The following AHRR variants were observed in gnomAD, a reference collection of about 807,000 sequenced individuals.
The protein encoded by AHRR is aryl hydrocarbon receptor repressor.
Under a neutral mutation model 44.0 loss-of-function variants are expected in AHRR, and 28 were observed. The observed-to-expected ratio is 0.64, with a 90% CI of 0.47 to 0.87. The LOEUF is 0.87. Ranked by LOEUF, AHRR falls within the 40% of genes least tolerant of loss-of-function variation. The pLI is 0.00. For missense variants in AHRR, 990 were observed against 953.9 expected (o/e 1.04, Z -0.50); for synonymous variants, 434 against 407.0 (o/e 1.07, Z -0.80).
chr5:415,994 A>G (rs1213656674), intron 5 of AHRR, among the ~76,000 whole-genome samples: 1 of 152,188 alleles, frequency 6.6e-6, no homozygotes, highest in African/African-American at 2.4e-5. Context: ...TGTGAACTGC[A>G]AGGACCACGT....
rs572207923 is a variant in AHRR at position 389,696 on chromosome 5, G to A, written c.351+12980G>A. Among the ~76,000 whole-genome samples, 8 of 152,020 alleles carry A rather than the reference G, an allele frequency of 5.3e-5. No individual in the cohort carries two copies. The South Asian group carries it at 1.3e-3, about 24-fold the overall frequency. On this transcript the variant is annotated intron_variant, in intron 4 of 10. Transcript: ENST00000684583. ...CCACAAGGCCTCTGGGGGGTCTGACGGCCCAGAGAAAGGACCAGGGCGCAG... is the reference window on the plus strand; with the variant it reads ...CCACAAGGCCTCTGGGGGGTCTGACAGCCCAGAGAAAGGACCAGGGCGCAG...
rs1468053505 is a variant in AHRR at position 395,305 on chromosome 5, G to A, written c.352-18039G>A. ...AGGGGGCCTGGGAGACACGAGCCCC[G>A]GTGGTGGGATGCAGTTAGCTGAACG... On this transcript the variant is annotated intron_variant, in intron 4 of 10. Coordinates refer to ENST00000684583, the MANE Select transcript of AHRR (RefSeq NM_001377236.1). The surrounding 1 kb of genome is among the most constrained non-coding windows in gnomAD (Gnocchi z 5.3). 2.6e-5 allele frequency among the ~76,000 whole-genome samples: 4 copies of A among 152,152 alleles called. No individual in the cohort carries two copies. The highest frequency in any genetic ancestry group is 2.0e-4 in the Admixed American group (3 of 15,278).
At chr5:431,656 C>CA (rs1260925516) in intron 8 of AHRR, among the ~76,000 whole-genome samples, 1 of 152,204 alleles carries the variant, frequency 6.6e-6, no homozygotes, top group Non-Finnish European at 1.5e-5. Flanking sequence ...AACAGCCCCC[C>CA]AGTCTTCCAC....
chr5:407,906 A>G (rs1216464290), intron 4 of AHRR, among the ~76,000 whole-genome samples: 1 of 152,168 alleles, frequency 6.6e-6, no homozygotes, highest in African/African-American at 2.4e-5. Context: ...CTGCAAAGAG[A>G]GAGTTTCACT....
At chr5:390,952 A>G (rs1239832791) in intron 4 of AHRR, among the ~76,000 whole-genome samples, 1 of 152,146 alleles carries the variant, frequency 6.6e-6, no homozygotes, top group African/African-American at 2.4e-5. Context: ...GGGCTTCTCC[A>G]CCAGAACCAG....
chr5:421,477 C>T (rs1016561238), intron 5 of AHRR: 12 of 489,994 alleles, frequency 2.4e-5, no homozygotes, highest in South Asian at 6.0e-5. Flanking sequence ...GGTGGGGTCC[C>T]GCGGGGTGTT....
In AHRR at chr5:434,011, C is replaced by T; in HGVS notation, c.1271C>T (p.Pro424Leu). 6.3e-7 allele frequency: 1 copy of T among 1,582,756 alleles called. No homozygotes were observed. Among genetic ancestry groups the T allele is most frequent in the Non-Finnish European group, 8.6e-7 (1 of 1,166,200 alleles). ...CTGCAGCCCAGCAAGAATGACCCGC[C>T]CTCCCTGCGCCCCATGCCCCGCGGC... is the stretch of plus-strand genomic sequence containing the variant. ...PRLQPSKNDP[P>L]SLRPMPRGSC... Residue 424 changes from proline to leucine, a missense_variant, in exon 11 of 11, where the codon CCC (proline) becomes CTC (leucine). Physicochemically the swap from Pro to Leu is moderately conservative, Grantham distance 98. Transcript: ENST00000684583.
chr5:345,533 TCTGG>T (rs1742635185), intron 2 of AHRR, among the ~76,000 whole-genome samples: 1 of 124,882 alleles, frequency 8.0e-6, no homozygotes. Context: ...AGATGATGTC[TCTGG>T]CTGTGTGTGG....
At position 404,129 on chromosome 5, in the gene AHRR, C is replaced by T. The variant is rs1735153525; in HGVS notation, c.352-9215C>T. ...GGTCCAGGTTTGGGGTTACCCTTCT[C>T]CGTCTCTCTCAGCCTCAGCCGTTCC... On this transcript the variant is annotated intron_variant, in intron 4 of 10. Coordinates refer to ENST00000684583, the MANE Select transcript of AHRR (RefSeq NM_001377236.1). The surrounding 1 kb of genome is among the most constrained non-coding windows in gnomAD (Gnocchi z 4.1). The T allele has an allele frequency of 3.6e-6, 2 of 548,556 alleles. No individual in the cohort carries two copies. Among genetic ancestry groups the T allele is most frequent in the Non-Finnish European group, 7.0e-6 (2 of 287,498 alleles). The allele number at this position is 548,556 out of a possible 1,614,324, so 34.0% of individuals were successfully genotyped here.
intron 4 of AHRR, among the ~76,000 whole-genome samples, chr5:382,963 GTTTTCA>G (rs1734043420): frequency 6.6e-6 from 1 of 151,900 alleles, no homozygotes; most frequent in Non-Finnish European, 1.5e-5. Context: ...GGTATGCTCC[GTTTTCA>G]TTTTCATTTA....
intron 3 of AHRR, among the ~76,000 whole-genome samples, chr5:355,529 G>A (rs1362347411): frequency 2.6e-5 from 4 of 152,218 alleles, no homozygotes; most frequent in South Asian, 2.1e-4. Flanking sequence ...TCACCCTCTC[G>A]CTGGGAGGTT....
chr5:403,293 G>T (rs1026753725), intron 4 of AHRR, among the ~76,000 whole-genome samples: 2 of 152,146 alleles, frequency 1.3e-5, no homozygotes, highest in African/African-American at 4.8e-5. Context: ...CATGATGGTT[G>T]CACAACAATG....
At chr5:343,599 C>T (rs1287500211) in intron 1 of AHRR, 1 of 419,464 alleles carries the variant, frequency 2.4e-6, no homozygotes, top group Non-Finnish European at 4.2e-6. Context: ...CGGTCTCCCG[C>T]CACGGCGCCC....
intron 1 of AHRR, among the ~76,000 whole-genome samples, chr5:328,612 G>C (rs1369162858): frequency 2.0e-5 from 3 of 151,998 alleles, no homozygotes; most frequent in Non-Finnish European, 2.9e-5. Context: ...GTTTTATTTT[G>C]CATTTCTCTG....
rs113564712 is a variant in AHRR at position 393,645 on chromosome 5, G to GTT, written c.351+16938_351+16939dup. On this transcript the variant is annotated intron_variant, in intron 4 of 10. Coordinates refer to ENST00000684583, the MANE Select transcript of AHRR (RefSeq NM_001377236.1). ...TTTATTGTTTTATTTGTTTTCTTTG[G>GTT]TTTTTTTTTTGAGACAGAGTCTCAC... Among the ~76,000 whole-genome samples the GTT allele has an allele frequency of 1.9e-3, 288 of 149,144 alleles. 1 individual carries two copies. Among genetic ancestry groups the GTT allele is most frequent in the African/African-American group, 6.7e-3 (272 of 40,752 alleles).
intron 3 of AHRR, among the ~76,000 whole-genome samples, chr5:355,140 G>T (rs973575883): frequency 2.0e-5 from 3 of 152,216 alleles, no homozygotes; most frequent in Non-Finnish European, 4.4e-5. Flanking sequence ...CCCAGCCTGG[G>T]CCTCCTGGTG....
At chr5:397,562 A>G (rs1262374758) in intron 4 of AHRR, among the ~76,000 whole-genome samples, 4 of 47,676 alleles carry the variant, frequency 8.4e-5, no homozygotes, top group African/African-American at 2.8e-4. Context: ...GCCCCTGACC[A>G]TGTTAGCCCC....
At chr5:385,126 T>G (rs2030243550) in intron 4 of AHRR, among the ~76,000 whole-genome samples, 1 of 152,052 alleles carries the variant, frequency 6.6e-6, no homozygotes, top group South Asian at 2.1e-4. Flanking sequence ...AAAACTCTCT[T>G]TAGCACTTCT....
chr5:334,458 G>A (rs1390290762), intron 1 of AHRR, among the ~76,000 whole-genome samples: 1 of 151,828 alleles, frequency 6.6e-6, no homozygotes, highest in Non-Finnish European at 1.5e-5. Context: ...CAAAAAGCCT[G>A]TCTTTTAAGT....
Sources: gnomAD v4.1 joint callset for allele counts (sites outside exome capture counted in the v4.1 genomes callset) on GRCh38, gnomAD v4.1.1 for gene constraint, Gnocchi (gnomAD v3.1) non-coding constraint, MANE v1.5 for transcripts, NCBI Gene and HGNC (gene_info 2026-07-23, HGNC 2026-07-21) for gene names.